CNTN3: variants seen among roughly 807,000 people sequenced by gnomAD.
CNTN3 encodes contactin 3, also known as contactin-3.
In CNTN3, 60 loss-of-function variants were observed where a neutral mutation model predicts 119.1. The ratio of observed to expected loss-of-function variants is 0.50; its 90% confidence interval spans 0.41 to 0.62. CNTN3 has a LOEUF of 0.62. Among genes scored for constraint, CNTN3 ranks in the 20% least tolerant of loss-of-function variants. CNTN3 has a pLI of 0.00. For missense variants in CNTN3, 1,101 were observed against 1,242.4 expected (o/e 0.89, Z 1.71); for synonymous variants, 450 against 438.7 (o/e 1.03, Z -0.32).
intron 3 of CNTN3, among the ~76,000 whole-genome samples, chr3:74,487,796 C>T (rs1702885554): frequency 6.6e-6 from 1 of 151,954 alleles, no homozygotes; most frequent in Admixed American, 6.6e-5. Context: ...TGGAATATTA[C>T]ACAACTGTGA....
chr3:74,502,803 T>A (rs1395131377), intron 2 of CNTN3, among the ~76,000 whole-genome samples: 1 of 152,136 alleles, frequency 6.6e-6, no homozygotes, highest in Non-Finnish European at 1.5e-5. Flanking sequence ...CACCCTTCAT[T>A]TCCACCAGTC....
intron 20 of CNTN3, among the ~76,000 whole-genome samples, chr3:74,272,523 A>C (rs1274823339): frequency 6.6e-6 from 1 of 152,036 alleles, no homozygotes. Context: ...TAGATGGGGG[A>C]AAAAAACACC....
intron 1 of CNTN3, among the ~76,000 whole-genome samples, chr3:74,588,177 C>T (rs1242220416): frequency 1.3e-5 from 2 of 151,958 alleles, no homozygotes; most frequent in East Asian, 1.9e-4. Context: ...CTGCTGGATT[C>T]GGTTTGCCAG....
intron 5 of CNTN3, among the ~76,000 whole-genome samples, chr3:74,413,042 A>C (rs6549592): frequency 0.72 from 109,462 of 152,066 alleles, 39,495 homozygotes; most frequent in East Asian, 0.8. Flanking sequence ...TGTGGCAGGA[A>C]AGTTCTGGCC....
chr3:74,348,660 A>C (rs1703748864), intron 11 of CNTN3, among the ~76,000 whole-genome samples: 1 of 152,180 alleles, frequency 6.6e-6, no homozygotes, highest in Admixed American at 6.5e-5. Context: ...TGCTGTCTCC[A>C]GCCCCCATCC....
At chr3:74,466,448 A>C (rs923436484) in intron 4 of CNTN3, among the ~76,000 whole-genome samples, 1 of 152,208 alleles carries the variant, frequency 6.6e-6, no homozygotes, top group Non-Finnish European at 1.5e-5. Flanking sequence ...ATTTATATCG[A>C]TTCCCCAACT....
intron 11 of CNTN3, among the ~76,000 whole-genome samples, chr3:74,358,953 T>C (rs1300180877): frequency 6.6e-6 from 1 of 152,112 alleles, no homozygotes; most frequent in Non-Finnish European, 1.5e-5. Flanking sequence ...TCATTTTTTA[T>C]GGCTGCATAG....
intron 1 of CNTN3, among the ~76,000 whole-genome samples, chr3:74,542,306 T>C (rs1203479128): frequency 6.6e-6 from 1 of 152,106 alleles, no homozygotes; most frequent in African/African-American, 2.4e-5. Context: ...ATAAATTTCA[T>C]CCTATAGAGA....
chr3:74,480,480 A>G (rs1171518475), intron 4 of CNTN3, among the ~76,000 whole-genome samples: 3 of 152,044 alleles, frequency 2.0e-5, no homozygotes, highest in Non-Finnish European at 2.9e-5. Context: ...TTAACAGTCA[A>G]CAGTAATACT....
intron 1 of CNTN3, among the ~76,000 whole-genome samples, chr3:74,539,160 G>C (rs1045177111): frequency 3.3e-5 from 5 of 152,044 alleles, no homozygotes; most frequent in African/African-American, 1.2e-4. Context: ...CACATATCTA[G>C]CACAGGATAG....
chr3:74,328,722 A>T (rs918658966), intron 13 of CNTN3, among the ~76,000 whole-genome samples: 1 of 152,154 alleles, frequency 6.6e-6, no homozygotes, highest in Non-Finnish European at 1.5e-5. Flanking sequence ...AAATAACTAC[A>T]CATCAACAGT....
intron 13 of CNTN3, among the ~76,000 whole-genome samples, chr3:74,334,388 A>T (rs1174192376): frequency 6.6e-6 from 1 of 152,206 alleles, no homozygotes; most frequent in East Asian, 1.9e-4. Context: ...TAGTAAGTGC[A>T]GCTTTCTCCC....
At chr3:74,528,216 C>A (rs1444528101) in intron 1 of CNTN3, among the ~76,000 whole-genome samples, 3 of 151,670 alleles carry the variant, frequency 2.0e-5, no homozygotes, top group Non-Finnish European at 2.9e-5. Flanking sequence ...TATTCCAGAC[C>A]TCCTTGTACG....
intron 1 of CNTN3, among the ~76,000 whole-genome samples, chr3:74,541,983 C>G (rs1025340645): frequency 3.3e-5 from 5 of 151,980 alleles, no homozygotes; most frequent in African/African-American, 1.2e-4. Flanking sequence ...CTTGTAACAC[C>G]AGCACTTGGG....
At chr3:74,362,635 C>T (rs1327873042) in intron 10 of CNTN3, among the ~76,000 whole-genome samples, 2 of 151,940 alleles carry the variant, frequency 1.3e-5, no homozygotes, top group Non-Finnish European at 2.9e-5. Context: ...GCTAATAATA[C>T]ATGGGATGTT....
intron 3 of CNTN3, among the ~76,000 whole-genome samples, chr3:74,498,758 G>T (rs2107075714): frequency 6.6e-6 from 1 of 151,866 alleles, no homozygotes; most frequent in South Asian, 2.1e-4. Context: ...GCAGATTATA[G>T]AAAAGGTTTT....
At chr3:74,357,512 A>G (rs1466962878) in intron 11 of CNTN3, among the ~76,000 whole-genome samples, 1 of 151,328 alleles carries the variant, frequency 6.6e-6, no homozygotes, top group East Asian at 2.0e-4. Flanking sequence ...TGAACTCCTG[A>G]CCTCAGGTGA....
chr3:74,343,433 A>C (rs1488875916), intron 11 of CNTN3, among the ~76,000 whole-genome samples: 1 of 152,260 alleles, frequency 6.6e-6, no homozygotes, highest in Non-Finnish European at 1.5e-5. Context: ...ATGTTACTCC[A>C]GTGATTGTCC....
intron 2 of CNTN3, among the ~76,000 whole-genome samples, chr3:74,512,286 G>A (rs180714272): frequency 2.0e-5 from 3 of 152,160 alleles, no homozygotes; most frequent in East Asian, 1.9e-4. Flanking sequence ...TGGAATTGTC[G>A]TTATCTTCAT....
Sources: allele counts gnomAD v4.1 joint callset (sites outside exome capture counted in the v4.1 genomes callset), GRCh38; gene constraint gnomAD v4.1.1; transcripts MANE v1.5; gene names NCBI Gene and HGNC (gene_info 2026-07-23, HGNC 2026-07-21).